FRMD4B: variants seen among roughly 807,000 people sequenced by gnomAD.
The protein encoded by FRMD4B is FERM domain-containing protein 4B.
In FRMD4B, 74 loss-of-function variants were observed where a neutral mutation model predicts 141.5. The observed-to-expected ratio is 0.52, with a 90% CI of 0.43 to 0.63. FRMD4B has a LOEUF of 0.63. FRMD4B is among the 30% of genes least tolerant of loss of function. FRMD4B has a pLI of 0.00. For missense variants in FRMD4B, 1,366 were observed against 1,253.4 expected, an observed-to-expected ratio of 1.09 and a Z score of -1.36; for synonymous variants, 506 against 467.9, an observed-to-expected ratio of 1.08 and a Z score of -1.05.
chr3:69,202,520 T>C (rs1255631370), intron 11 of FRMD4B, among the ~76,000 whole-genome samples: 2 of 150,864 alleles, frequency 1.3e-5, no homozygotes, highest in Non-Finnish European at 3.0e-5. Flanking sequence ...TGTCTTGCAA[T>C]ACAATTAAGA....
intron 5 of FRMD4B, among the ~76,000 whole-genome samples, chr3:69,255,600 A>G (rs548135078): frequency 6.6e-6 from 1 of 152,258 alleles, no homozygotes; most frequent in Non-Finnish European, 1.5e-5. Context: ...GGAGTGGTGG[A>G]TATCTGTTTT....
chr3:69,396,447 G>A lies in FRMD4B; in HGVS notation c.-1+36187C>T, dbSNP rs146885785. Among the ~76,000 whole-genome samples, 117 of 152,188 alleles carry A rather than the reference G, an allele frequency of 7.7e-4. No homozygotes were observed. The East Asian group carries it at 0.019, about 25-fold the overall frequency. ...TTGAACCCAAGAGCAGGAGGCTGCA[G>A]TGAGCTGTGATGGCATCACTGCACT... On this transcript the variant is annotated intron_variant, in intron 2 of 5. Transcript: ENST00000459638.
At chr3:69,180,104 C>T (rs888178521) in intron 21 of FRMD4B, among the ~76,000 whole-genome samples, 1 of 152,058 alleles carries the variant, frequency 6.6e-6, no homozygotes, top group Non-Finnish European at 1.5e-5. Context: ...TACTGAATTA[C>T]AATATGCATG....
intron 2 of FRMD4B, among the ~76,000 whole-genome samples, chr3:69,407,838 G>C (rs536975292): frequency 5.3e-5 from 8 of 152,186 alleles, no homozygotes; most frequent in Non-Finnish European, 1.0e-4. Context: ...GGGTTGTATT[G>C]TGTTTTTCCT....
At chr3:69,541,227 A>G (rs565741743) in intron 1 of FRMD4B, 1 of 152,328 alleles carries the variant, frequency 6.6e-6, no homozygotes, top group South Asian at 2.1e-4. Flanking sequence ...TCTTCCCGAA[A>G]GGCCCAGCCT....
chr3:69,386,161 C>T (rs1704248833), upstream of FRMD4B: 1 of 605,376 alleles, frequency 1.7e-6, no homozygotes, highest in African/African-American at 1.9e-5. Context: ...CGGCGGCATG[C>T]CCTGGGATTG....
chr3:69,359,794 G>A (rs1030464473), intron 1 of FRMD4B, among the ~76,000 whole-genome samples: 3 of 152,136 alleles, frequency 2.0e-5, no homozygotes, highest in African/African-American at 7.2e-5. Flanking sequence ...TTTAGGTGAC[G>A]CACATAAACT....
At chr3:69,425,394 C>T (rs1705058901) in intron 2 of FRMD4B, among the ~76,000 whole-genome samples, 1 of 152,196 alleles carries the variant, frequency 6.6e-6, no homozygotes, top group Non-Finnish European at 1.5e-5. Flanking sequence ...AAGAGAGACA[C>T]TCTCACCTGA....
intron 16 of FRMD4B, among the ~76,000 whole-genome samples, chr3:69,194,408 G>A (rs1275272408): frequency 6.6e-6 from 1 of 152,166 alleles, no homozygotes; most frequent in African/African-American, 2.4e-5. Flanking sequence ...TGAGCACTCA[G>A]TAAATAGTAA....
chr3:69,253,181 C>CTTTTTTTTTTTTTTTTTTTTT (rs781662739), intron 5 of FRMD4B, among the ~76,000 whole-genome samples: 1 of 121,952 alleles, frequency 8.2e-6, no homozygotes, highest in Non-Finnish European at 1.7e-5. Context: ...AATATGATTC[C>CTTTTTTTTTTTTTTTTTTTTT]TATTTTTTTT....
At chr3:69,302,540 A>G in intron 3 of FRMD4B, 105 bp from the exon 4 acceptor site, 1 of 717,752 alleles carries the variant, frequency 1.4e-6, no homozygotes, top group Non-Finnish European at 2.5e-6. Context: ...TCATACACCG[A>G]TGGTAGGAGC....
chr3:69,197,379 A>G (rs900319102), intron 12 of FRMD4B, among the ~76,000 whole-genome samples: 1 of 152,230 alleles, frequency 6.6e-6, no homozygotes, highest in Non-Finnish European at 1.5e-5. Context: ...AAATGGGATA[A>G]GATTTTAAAG....
chr3:69,303,040 C>T (rs1701268004), intron 3 of FRMD4B, among the ~76,000 whole-genome samples: 1 of 152,158 alleles, frequency 6.6e-6, no homozygotes, highest in Admixed American at 6.5e-5. Context: ...CACCATTGCA[C>T]TCCAGCCTGG....
chr3:69,255,891 C>T (rs1033747139), intron 5 of FRMD4B, among the ~76,000 whole-genome samples: 2 of 152,140 alleles, frequency 1.3e-5, no homozygotes, highest in Non-Finnish European at 2.9e-5. Flanking sequence ...GTATCCACTG[C>T]TGAGCAGAGT....
intron 11 of FRMD4B, among the ~76,000 whole-genome samples, chr3:69,209,449 C>T (rs1419399616): frequency 6.6e-6 from 1 of 152,172 alleles, no homozygotes; most frequent in African/African-American, 2.4e-5. Context: ...ATAACCCACT[C>T]AGTGAAATAA....
At chr3:69,433,881 G>C (rs1705218713) in intron 1 of FRMD4B, among the ~76,000 whole-genome samples, 1 of 151,982 alleles carries the variant, frequency 6.6e-6, no homozygotes, top group Non-Finnish European at 1.5e-5. Context: ...TGAAACATTA[G>C]GCAAAAAGAG....
At chr3:69,175,753 C>T in intron 22 of FRMD4B, among the ~76,000 whole-genome samples, 1 of 148,172 alleles carries the variant, frequency 6.7e-6, no homozygotes, top group South Asian at 2.1e-4. Flanking sequence ...GGTTAGCAAA[C>T]TTTTTCTTTT....
At chr3:69,285,723 A>G (rs1345970032) in intron 5 of FRMD4B, among the ~76,000 whole-genome samples, 2 of 152,128 alleles carry the variant, frequency 1.3e-5, no homozygotes, top group African/African-American at 4.8e-5. Context: ...GCACACCTAT[A>G]GTCCCAGCTA....
intron 5 of FRMD4B, among the ~76,000 whole-genome samples, chr3:69,255,317 C>T (rs546604679): frequency 1.3e-5 from 2 of 152,172 alleles, no homozygotes; most frequent in Non-Finnish European, 2.9e-5. Context: ...TTTGGCTTGG[C>T]AGACATACTA....
Sources: gnomAD v4.1 joint callset for allele counts (sites outside exome capture counted in the v4.1 genomes callset) on GRCh38, gnomAD v4.1.1 for gene constraint, MANE v1.5 for transcripts, NCBI Gene and HGNC (gene_info 2026-07-23, HGNC 2026-07-21) for gene names.